RANBP2: variants seen among roughly 807,000 people sequenced by gnomAD.
The protein encoded by RANBP2 is E3 SUMO-protein ligase RanBP2.
RANBP2 carries 57 observed loss-of-function variants against 303.6 expected under a neutral mutation model. That is an observed-to-expected ratio of 0.19 (90% CI 0.15 to 0.23). The LOEUF is 0.23. Ranked by LOEUF, RANBP2 falls within the 10% of genes least tolerant of loss-of-function variation. The pLI is 1.00. For synonymous variants in RANBP2, 1,167 were observed against 1,301.5 expected, an observed-to-expected ratio of 0.90 and a Z score of 2.23; for missense variants, 3,138 against 3,780.8, an observed-to-expected ratio of 0.83 and a Z score of 4.46.
chr2:109,614,458 C>A, the RANBP2 span: 1 of 1,212,374 alleles, frequency 8.2e-7, no homozygotes, highest in Non-Finnish European at 1.0e-6. Flanking sequence ...CGCGCTGAGC[C>A]GCCCGCTGGC....
the RANBP2 span, among the ~76,000 whole-genome samples, chr2:109,530,282 A>C: frequency 5.3e-5 from 8 of 152,302 alleles, no homozygotes; most frequent in East Asian, 1.5e-3. Context: ...GCATGTGGTC[A>C]GGCAGTCACG....
chr2:109,501,841 T>G, the RANBP2 span: 2 of 585,744 alleles, frequency 3.4e-6, no homozygotes, highest in Non-Finnish European at 6.1e-6. Flanking sequence ...GGTCGTGCCT[T>G]CTCCCAAAAC....
chr2:109,613,772 G>C, the RANBP2 span: 1 of 1,213,622 alleles, frequency 8.2e-7, no homozygotes, highest in African/African-American at 1.6e-5. Context: ...GCGCGGGGCT[G>C]GGGCCCCGGC....
chr2:109,574,668 G>A, the RANBP2 span: 2 of 1,610,160 alleles, frequency 1.2e-6, no homozygotes, highest in Non-Finnish European at 1.7e-6. Flanking sequence ...ACACATGGAT[G>A]CGAGAATCAT....
the RANBP2 span, among the ~76,000 whole-genome samples, chr2:109,162,822 T>C: frequency 1.3e-5 from 2 of 152,262 alleles, no homozygotes; most frequent in Non-Finnish European, 2.9e-5. Flanking sequence ...GAATAATGTT[T>C]AGCCCCTTGG....
the RANBP2 span, among the ~76,000 whole-genome samples, chr2:108,938,914 C>T: frequency 2.7e-5 from 4 of 150,510 alleles, no homozygotes; most frequent in East Asian, 4.0e-4. Flanking sequence ...CGAGTAGCTG[C>T]GACTACAGGC....
chr2:109,007,902 G>A, the RANBP2 span, among the ~76,000 whole-genome samples: 2 of 152,112 alleles, frequency 1.3e-5, no homozygotes, highest in Non-Finnish European at 2.9e-5. Context: ...AAACCTGTTA[G>A]CAGCTTGCTG....
the RANBP2 span, among the ~76,000 whole-genome samples, chr2:109,649,908 G>A: frequency 6.6e-6 from 1 of 152,184 alleles, no homozygotes; most frequent in East Asian, 1.9e-4. Context: ...ATCTTGGAAA[G>A]CCATTGCAAC....
chr2:109,260,965 G>A, the RANBP2 span, among the ~76,000 whole-genome samples: 1 of 152,168 alleles, frequency 6.6e-6, no homozygotes, highest in Non-Finnish European at 1.5e-5. Context: ...TGTTTGAGGT[G>A]TTCTCAGCCC....
At chr2:109,582,311 C>T in the RANBP2 span, among the ~76,000 whole-genome samples, 4 of 152,084 alleles carry the variant, frequency 2.6e-5, no homozygotes, top group Admixed American at 1.3e-4. Flanking sequence ...AGACTCAACG[C>T]TATTGCTGTT....
At chr2:108,740,309 T>A (rs1695974508) in intron 6 of RANBP2, among the ~76,000 whole-genome samples, 180 bp from the exon 7 acceptor site, 1 of 152,156 alleles carries the variant, frequency 6.6e-6, no homozygotes, top group Non-Finnish European at 1.5e-5. Flanking sequence ...ATAGGAAGTA[T>A]GCAGGATAAA....
the RANBP2 span, among the ~76,000 whole-genome samples, chr2:109,367,716 A>G: frequency 6.6e-6 from 1 of 152,080 alleles, no homozygotes; most frequent in Non-Finnish European, 1.5e-5. Flanking sequence ...TTTGCTTTGC[A>G]TTTGTCTCTA....
At chr2:109,706,942 A>G in the RANBP2 span, among the ~76,000 whole-genome samples, 3 of 152,112 alleles carry the variant, frequency 2.0e-5, no homozygotes, top group Non-Finnish European at 4.4e-5. Flanking sequence ...GAGGTGTGCC[A>G]CCAGGGCCAA....
chr2:109,382,510 A>G, the RANBP2 span, among the ~76,000 whole-genome samples: 1 of 152,088 alleles, frequency 6.6e-6, no homozygotes, highest in Non-Finnish European at 1.5e-5. Context: ...CACTTAGCAC[A>G]TGCCCTTCCG....
chr2:109,177,555 G>C, the RANBP2 span, among the ~76,000 whole-genome samples: 1 of 152,120 alleles, frequency 6.6e-6, no homozygotes, highest in Non-Finnish European at 1.5e-5. Flanking sequence ...GCTCTGGGGG[G>C]GGGCACCATT....
the RANBP2 span, among the ~76,000 whole-genome samples, chr2:109,627,566 G>A: frequency 7.2e-5 from 11 of 152,206 alleles, no homozygotes; most frequent in Non-Finnish European, 8.8e-5. Context: ...ATATAATGAT[G>A]ATTTTTCATA....
the RANBP2 span, among the ~76,000 whole-genome samples, chr2:108,936,022 G>A: frequency 3.3e-5 from 5 of 152,194 alleles, no homozygotes; most frequent in Non-Finnish European, 7.3e-5. Context: ...GAAGGTGGCC[G>A]TCCTCCCTAC....
At chr2:109,568,007 C>T in the RANBP2 span, 6 of 1,515,516 alleles carry the variant, frequency 4.0e-6, no homozygotes, top group South Asian at 2.6e-5. Context: ...CAAAATCTTA[C>T]TGAGGATTTT....
chr2:109,418,439 G>C, the RANBP2 span, among the ~76,000 whole-genome samples: 6 of 152,254 alleles, frequency 3.9e-5, no homozygotes, highest in Non-Finnish European at 5.9e-5. Context: ...AGGCTGAGGG[G>C]AGTCTGTTCC....
Sources: allele counts gnomAD v4.1 joint callset (sites outside exome capture counted in the v4.1 genomes callset), GRCh38; gene constraint gnomAD v4.1.1; transcripts MANE v1.5; gene names NCBI Gene and HGNC (gene_info 2026-07-23, HGNC 2026-07-21).